Variants in EXOSC5 observed in about 807,000 individuals in gnomAD.
EXOSC5 encodes exosome complex component RRP46.
A neutral mutation model predicts 23.7 loss-of-function variants in EXOSC5; 15 were observed. The observed-to-expected ratio is 0.63, with a 90% confidence interval of 0.42 to 0.97. The LOEUF (loss-of-function observed/expected upper bound fraction) is 0.97. EXOSC5 is among the 50% of genes least tolerant of loss of function. The pLI, the probability that EXOSC5 is intolerant of heterozygous loss-of-function variation, is 0.00. For synonymous variants in EXOSC5, 143 were observed against 140.9 expected, an observed-to-expected ratio of 1.02 and a Z score of -0.11; for missense variants, 305 against 316.3, an observed-to-expected ratio of 0.96 and a Z score of 0.27.
chr19:41,389,322 A>G (rs2039006009), intron 4 of EXOSC5, among the ~76,000 whole-genome samples: 1 of 148,334 alleles, frequency 6.7e-6, no homozygotes, highest in South Asian at 2.1e-4. Flanking sequence ...CTGGAGTGCA[A>G]TGGCGCGATC....
At chr19:41,391,376 CA>C (rs962753866) in intron 3 of EXOSC5, among the ~76,000 whole-genome samples, 2 of 152,010 alleles carry the variant, frequency 1.3e-5, no homozygotes, top group African/African-American at 4.8e-5. Flanking sequence ...CAAAAACAAA[CA>C]AAAAAACCCA....
intron 1 of EXOSC5, 29 bp downstream of exon 1, chr19:41,397,152 C>CA: frequency 1.2e-6 from 2 of 1,610,202 alleles, no homozygotes; most frequent in Non-Finnish European, 8.5e-7. Context: ...AGTCCCTCTC[C>CA]AAAAGAAAGA....
Position 41,386,617 on chromosome 19 carries a change from C to T in EXOSC5, c.*16G>A. On this transcript the variant is annotated 3_prime_UTR_variant, in exon 6 of 6. Coordinates refer to ENST00000221233, the MANE Select transcript of EXOSC5 (RefSeq NM_020158.4). ...TGGGTGGAGGCAATGGGAGCGGCCC[C>T]TTGCCCCAGCTTGCCTCAGCTCTTG... The T allele has an allele frequency of 6.4e-7, 1 of 1,567,464 alleles. No homozygotes were observed. Among genetic ancestry groups the T allele is most frequent in the Non-Finnish European group, 8.7e-7 (1 of 1,155,628 alleles).
At chr19:41,391,659 A>C in intron 3 of EXOSC5, 182 bp downstream of exon 3, 1 of 698,094 alleles carries the variant, frequency 1.4e-6, no homozygotes, top group Non-Finnish European at 2.2e-6. Context: ...AATGTGCATA[A>C]GGCACACAGA....
At chr19:41,389,404 T>C (rs1185537081) in intron 4 of EXOSC5, among the ~76,000 whole-genome samples, 1 of 152,222 alleles carries the variant, frequency 6.6e-6, no homozygotes, top group Non-Finnish European at 1.5e-5. Context: ...TAGCTGGGAT[T>C]ACAGGCGTGC....
intron 5 of EXOSC5, among the ~76,000 whole-genome samples, chr19:41,387,181 G>C (rs2038990702): frequency 6.6e-6 from 1 of 152,164 alleles, no homozygotes; most frequent in African/African-American, 2.4e-5. Flanking sequence ...TTTGCAGACA[G>C]TCATGTCCAA....
intron 5 of EXOSC5, among the ~76,000 whole-genome samples, chr19:41,387,246 C>T (rs1464065182): frequency 6.6e-6 from 1 of 152,206 alleles, no homozygotes; most frequent in Admixed American, 6.5e-5. Flanking sequence ...TGGCTCACCA[C>T]TCTGAGCTGG....
Position 41,386,498 on chromosome 19 carries a change from G to A in EXOSC5, c.*135C>T, listed in dbSNP as rs1313624066. On this transcript the variant is annotated 3_prime_UTR_variant, in exon 6 of 6. Coordinates refer to ENST00000221233, the MANE Select transcript of EXOSC5 (RefSeq NM_020158.4). ...GTCACAGGCCAAGGCCTCCCCACAG[G>A]AGCCCTGTGGTTACAGAGCTGCAGG... 5.1e-6 allele frequency: 4 copies of A among 786,118 alleles called. No individual in the cohort carries two copies. Among genetic ancestry groups the A allele is most frequent in the Middle Eastern group, 3.6e-4 (1 of 2,788 alleles). 48.7% of individuals were successfully genotyped at this position (786,118 alleles called of 1,614,324 possible).
intron 1 of EXOSC5, among the ~76,000 whole-genome samples, chr19:41,396,842 G>GGGGGGT (rs1451086151): frequency 3.3e-5 from 5 of 149,986 alleles, no homozygotes; most frequent in Non-Finnish European, 5.9e-5. Context: ...GTGTGTGTGT[G>GGGGGGT]GGGGGTGGGG....
At chr19:41,391,509 T>C in intron 3 of EXOSC5, 1 of 255,822 alleles carries the variant, frequency 3.9e-6, no homozygotes, top group Non-Finnish European at 7.4e-6. Context: ...TGGGCCTCAG[T>C]TTTGTCACCT....
Position 41,386,695 on chromosome 19 carries a change from C to A in EXOSC5, c.646G>T (p.Ala216Ser). 1 of 1,601,402 alleles carries A rather than the reference C, an allele frequency of 6.2e-7. No homozygotes were observed. Among genetic ancestry groups the A allele is most frequent in the Non-Finnish European group, 8.5e-7 (1 of 1,174,954 alleles). Residue 216 changes from alanine (A) to serine (S), a missense_variant, in exon 6 of 6, where the codon GCT becomes TCT. Transcript: ENST00000221233. ...LQQCLAAAQA[A>S]SQHVFRFYRE... ...TAGAAACGGAAGACGTGTTGCGAAG[C>A]GGCCTGGGCCGCAGCCAGGCACTGC...
intron 5 of EXOSC5, 104 bp downstream of exon 5, chr19:41,387,410 G>T: frequency 1.1e-6 from 1 of 880,078 alleles, no homozygotes; most frequent in Admixed American, 3.7e-5. Context: ...AGAAATTTAA[G>T]AGGCTCTCCT....
In EXOSC5 at chr19:41,392,996, G is replaced by A. The variant is rs759674532; in HGVS notation, c.149-16C>T. The A allele has an allele frequency of 1.6e-5, 25 of 1,608,730 alleles. No homozygotes were observed. The highest frequency in any genetic ancestry group is 2.0e-5 in the Non-Finnish European group (24 of 1,176,710). On this transcript the variant is annotated splice_polypyrimidine_tract_variant and intron_variant, in intron 1 of 5. Coordinates refer to ENST00000221233, the MANE Select transcript of EXOSC5 (RefSeq NM_020158.4). ...GAGGTGTCACCTGAGGAGACAGCAG[G>A]GAGGGCCTCACTCACAGCTTCCCTG...
chr19:41,392,129 G>A (rs766843311), intron 2 of EXOSC5, 167 bp from the exon 3 acceptor site: 5 of 946,652 alleles, frequency 5.3e-6, no homozygotes, highest in African/African-American at 1.7e-5. Flanking sequence ...AGGCCTGACT[G>A]CCATCCACTG....
chr19:41,387,456 G>A, intron 5 of EXOSC5, 58 bp downstream of exon 5: 2 of 1,386,844 alleles, frequency 1.4e-6, no homozygotes, highest in East Asian at 5.0e-5. Flanking sequence ...GTTGGGACAA[G>A]ACCGTATGTC....
Position 41,392,867 on chromosome 19 carries a change from C to T in EXOSC5, c.262G>A (p.Gly88Ser). ...VILRPKIGLP[G>S]VAEKSRERLI... ...CAGAGGTTCAGCAGGGCCCAATTAC[C>T]AGGCAGCCCAATCTTCGGCCTCAGG... is the stretch of plus-strand genomic sequence containing the variant. Residue 88 changes from glycine to serine, a missense_variant and splice_region_variant, in exon 2 of 6, where the codon GGT becomes AGT. By Grantham distance (56) the Gly-to-Ser change is moderately conservative. Coordinates refer to ENST00000221233, the MANE Select transcript of EXOSC5 (RefSeq NM_020158.4). 6.2e-7 allele frequency: 1 copy of T among 1,613,836 alleles called. No individual in the cohort carries two copies. Among genetic ancestry groups the T allele is most frequent in the Non-Finnish European group, 8.5e-7 (1 of 1,179,928 alleles).
intron 1 of EXOSC5, among the ~76,000 whole-genome samples, chr19:41,393,274 C>A (rs913929102): frequency 6.6e-6 from 1 of 152,178 alleles, no homozygotes; most frequent in African/African-American, 2.4e-5. Flanking sequence ...TTCGTCCATT[C>A]AGGCATTCAG....
At position 41,395,691 on chromosome 19, in the gene EXOSC5, G is replaced by A. The variant is rs182177480; in HGVS notation, c.148+1490C>T. ...CTGGTTTCCCCCTAACTCTCTGGGC[G>A]TTCCTTCTGAGTCTCCTTTGCTAGC... On this transcript the variant is annotated intron_variant, in intron 1 of 5. Coordinates refer to ENST00000221233, the MANE Select transcript of EXOSC5 (RefSeq NM_020158.4). Among the ~76,000 whole-genome samples the A allele has an allele frequency of 9.2e-5, 14 of 152,226 alleles. 1 individual carries two copies. Among genetic ancestry groups the A allele is most frequent in the Admixed American group, 7.8e-4 (12 of 15,292 alleles).
intron 2 of EXOSC5, among the ~76,000 whole-genome samples, 153 bp downstream of exon 2, chr19:41,392,714 G>A (rs1304580261): frequency 2.0e-5 from 3 of 152,178 alleles, no homozygotes; most frequent in Non-Finnish European, 4.4e-5. Flanking sequence ...AACAGAAGAT[G>A]AGTTATTAAT....
Sources: allele counts gnomAD v4.1 joint callset (sites outside exome capture counted in the v4.1 genomes callset), GRCh38; gene constraint gnomAD v4.1.1; transcripts MANE v1.5; gene names NCBI Gene and HGNC (gene_info 2026-07-23, HGNC 2026-07-21).